DNAJB1: variants seen among roughly 807,000 people sequenced by gnomAD.
DNAJB1 encodes DnaJ heat shock protein family (Hsp40) member B1, also known as dnaJ homolog subfamily B member 1.
A neutral mutation model predicts 24.0 loss-of-function variants in DNAJB1; 14 were observed. The observed-to-expected ratio is 0.58, with a 90% CI of 0.39 to 0.91. DNAJB1 has a LOEUF of 0.91. DNAJB1 is among the 40% of genes least tolerant of loss of function. The probability of loss-of-function intolerance (pLI) is 0.00; values close to 1 mark genes in which losing one functional copy is unlikely to be tolerated. For synonymous variants in DNAJB1, 262 were observed against 174.4 expected (o/e 1.50, Z -3.96); for missense variants, 517 against 458.1 (o/e 1.13, Z -1.17).
Position 14,518,388 on chromosome 19 carries a change from C to A in DNAJB1, c.-39G>T. On this transcript the variant is annotated 5_prime_UTR_variant, in exon 1 of 3. Coordinates refer to ENST00000254322, the MANE Select transcript of DNAJB1 (RefSeq NM_006145.3). ...GGCCCGCCGACCCGCTGTCGCCGTC[C>A]CCCGGCTCCGCCGCCGACCAGTCCC... is the stretch of plus-strand genomic sequence containing the variant. 6.6e-7 allele frequency: 1 copy of A among 1,518,738 alleles called. No homozygotes were observed. The highest frequency in any genetic ancestry group is 1.4e-5 in the African/African-American group (1 of 71,562). 94.1% of individuals were successfully genotyped at this position (1,518,738 alleles called of 1,614,324 possible).
intron 1 of DNAJB1, among the ~76,000 whole-genome samples, chr19:14,556,023 C>G (rs1599478580): frequency 6.6e-6 from 1 of 152,342 alleles, no homozygotes; most frequent in East Asian, 1.9e-4. Flanking sequence ...CATCCCTCCT[C>G]TGCTCAAGAA....
Position 14,544,797 on chromosome 19 carries a change from T to A in DNAJB1, c.-214+5411A>T, listed in dbSNP as rs150989289. On this transcript the variant is annotated intron_variant, in intron 1 of 3. Coordinates refer to the DNAJB1 transcript ENST00000676982. ...ACAGGTGCATGCCATCACGCCCGGC[T>A]AATTTGAAAATTTTCTGTAGAGATG... is the stretch of plus-strand genomic sequence containing the variant. Among the ~76,000 whole-genome samples the A allele has an allele frequency of 9.3e-4, 141 of 152,156 alleles. 3 individuals are homozygous for A. The Middle Eastern group carries it at 0.01, about 11-fold the overall frequency.
At chr19:14,559,958 C>T (rs962099269) in intron 1 of DNAJB1, among the ~76,000 whole-genome samples, 6 of 133,276 alleles carry the variant, frequency 4.5e-5, no homozygotes, top group African/African-American at 1.9e-4. Flanking sequence ...ACTCATCCTG[C>T]CCAGGTGGCC....
rs1258953177 is a variant in DNAJB1, at chr19:14,543,587, C to T, written c.-214+6621G>A. On this transcript the variant is annotated intron_variant, in intron 1 of 3. Coordinates refer to the DNAJB1 transcript ENST00000676982. ...CCGAGTAGCTGGGACTACAGGCGCCCGCTACCACGCCCGGCTAATTTTTTG... is the reference window on the plus strand; with the variant it reads ...CCGAGTAGCTGGGACTACAGGCGCCTGCTACCACGCCCGGCTAATTTTTTG... 1.5e-4 allele frequency among the ~76,000 whole-genome samples: 22 copies of T among 147,512 alleles called. No individual in the cohort carries two copies. In the East Asian group the frequency reaches 1.6e-3, roughly 11 times the overall value.
chr19:14,527,165 C>CTTTTTTTTTTTTTTTTTTTT (rs369143149), intron 2 of DNAJB1, among the ~76,000 whole-genome samples: 2 of 41,306 alleles, frequency 4.8e-5, no homozygotes, highest in Non-Finnish European at 4.0e-5. Context: ...AATATCTCTG[C>CTTTTTTTTTTTTTTTTTTTT]TTTTTTTTTT....
At chr19:14,553,081 G>A (rs192865363), upstream of DNAJB1, among the ~76,000 whole-genome samples, 1 of 152,066 alleles carries the variant, frequency 6.6e-6, no homozygotes. Flanking sequence ...ACTTCCCACT[G>A]TGTTTGTCTT....
chr19:14,522,002 C>G (rs965379709), upstream of DNAJB1, among the ~76,000 whole-genome samples: 1 of 152,010 alleles, frequency 6.6e-6, no homozygotes, highest in Non-Finnish European at 1.5e-5. Context: ...CCCAGTAACT[C>G]TCTCCTAATG....
Position 14,545,673 on chromosome 19 carries a change from C to T in DNAJB1, c.-214+4535G>A, listed in dbSNP as rs544256670. On this transcript the variant is annotated intron_variant, in intron 1 of 3. Transcript: ENST00000676982. ...CAAGGGGCACAGTCCGTGTTGGTTG[C>T]GTGCATGGCGAGTGCAAACTGCACA... 1.6e-4 allele frequency: 27 copies of T among 172,288 alleles called. No homozygotes were observed. The South Asian group carries it at 2.9e-3, about 19-fold the overall frequency. The allele number at this position is 172,288 out of a possible 1,614,324, so 10.7% of individuals were successfully genotyped here.
At chr19:14,558,867 C>A (rs539552121) in intron 1 of DNAJB1, among the ~76,000 whole-genome samples, 1 of 152,204 alleles carries the variant, frequency 6.6e-6, no homozygotes, top group African/African-American at 2.4e-5. Flanking sequence ...GCCACCTCCC[C>A]GTCTGTGCTC....
Position 14,518,037 on chromosome 19 carries a change from G to A in DNAJB1, c.211+102C>T, listed in dbSNP as rs559802643. ...GAGGGCGGGGCAGCTCGGCCCCACG[G>A]CCCGGGGCGTCCTTCCCGGGGGGCC... On this transcript the variant is annotated intron_variant, in intron 1 of 2. Coordinates refer to ENST00000254322, the MANE Select transcript of DNAJB1 (RefSeq NM_006145.3). 8.7e-4 allele frequency: 1,098 copies of A among 1,262,726 alleles called. 2 individuals are homozygous for A. The highest frequency in any genetic ancestry group is 1.0e-3 in the Non-Finnish European group (1,022 of 975,140). The allele number at this position is 1,262,726 out of a possible 1,614,324, so 78.2% of individuals were successfully genotyped here. A position where few individuals can be genotyped will look rare whatever the true frequency, so the allele number is the denominator to read the frequency against.
chr19:14,538,304 G>C (rs1265696056), intron 1 of DNAJB1, among the ~76,000 whole-genome samples: 1 of 152,096 alleles, frequency 6.6e-6, no homozygotes, highest in Admixed American at 6.6e-5. Flanking sequence ...TTGGGACAGT[G>C]ACTTAACCTA....
upstream of DNAJB1, among the ~76,000 whole-genome samples, chr19:14,550,470 C>G (rs531758230): frequency 5.9e-5 from 9 of 152,230 alleles, no homozygotes; most frequent in African/African-American, 2.2e-4. Context: ...GGCTCAGCCT[C>G]TGGCCCCCTT....
upstream of DNAJB1, among the ~76,000 whole-genome samples, chr19:14,522,439 C>G (rs1338645523): frequency 7.0e-6 from 1 of 142,102 alleles, no homozygotes; most frequent in Non-Finnish European, 1.5e-5. Context: ...GAGCCAAGAT[C>G]AGGCCGCTGC....
intron 1 of DNAJB1, among the ~76,000 whole-genome samples, chr19:14,556,949 C>A (rs1436937790): frequency 6.6e-6 from 1 of 152,054 alleles, no homozygotes; most frequent in East Asian, 1.9e-4. Flanking sequence ...TTCACTGTGA[C>A]CAGCTGGGCG....
intron 1 of DNAJB1, among the ~76,000 whole-genome samples, chr19:14,535,019 G>A (rs1295610793): frequency 1.3e-5 from 2 of 152,084 alleles, no homozygotes. Context: ...TGCTGGGAGA[G>A]GGTCTTTCTC....
intron 1 of DNAJB1, chr19:14,517,277 T>C (rs1418527063): frequency 1.1e-5 from 6 of 526,620 alleles, no homozygotes; most frequent in African/African-American, 9.5e-5. Flanking sequence ...TGCGGTTAGG[T>C]GTTCACCTCC....
chr19:14,529,940 T>G, upstream of DNAJB1: 1 of 626,984 alleles, frequency 1.6e-6, no homozygotes, highest in East Asian at 2.8e-5. Context: ...GTACTTTTTC[T>G]TGGGGGTCTC....
intron 1 of DNAJB1, chr19:14,544,989 C>T: frequency 2.4e-6 from 1 of 409,284 alleles, no homozygotes; most frequent in Non-Finnish European, 4.9e-6. Context: ...GTGTCCTTTT[C>T]ACTCCTTCCC....
chr19:14,526,940 A>G (rs1233463823), intron 2 of DNAJB1, among the ~76,000 whole-genome samples: 1 of 152,072 alleles, frequency 6.6e-6, no homozygotes, highest in Non-Finnish European at 1.5e-5. Flanking sequence ...GGGATGGCTC[A>G]TGCCTGTAAT....
Sources: gnomAD v4.1 joint callset for allele counts (sites outside exome capture counted in the v4.1 genomes callset) on GRCh38, gnomAD v4.1.1 for gene constraint, MANE v1.5 for transcripts, NCBI Gene and HGNC (gene_info 2026-07-23, HGNC 2026-07-21) for gene names.